AKAP7: variants seen among roughly 807,000 people sequenced by gnomAD.
AKAP7 encodes A-kinase anchoring protein 7.
A neutral mutation model predicts 39.5 loss-of-function variants in AKAP7; 39 were observed. That is an observed-to-expected ratio of 0.99 (90% CI 0.76 to 1.29). AKAP7 has a LOEUF of 1.29. AKAP7 is among the 50% of genes most tolerant of loss of function. The pLI is 0.00. For missense variants in AKAP7, 414 were observed against 407.7 expected, an observed-to-expected ratio of 1.02 and a Z score of -0.13; for synonymous variants, 140 against 139.1, an observed-to-expected ratio of 1.01 and a Z score of -0.05.
chr6:131,223,863 T>C (rs886351652), intron 7 of AKAP7, among the ~76,000 whole-genome samples: 1 of 152,206 alleles, frequency 6.6e-6, no homozygotes, highest in African/African-American at 2.4e-5. Flanking sequence ...CTATTCAGCC[T>C]ACCACCCCCC....
intron 7 of AKAP7, among the ~76,000 whole-genome samples, chr6:131,244,937 A>G (rs1238643142): frequency 1.3e-5 from 2 of 152,250 alleles, no homozygotes; most frequent in Non-Finnish European, 2.9e-5. Context: ...AGAGAAAAAC[A>G]AAAGCACTGT....
chr6:131,159,078 G>GTTTAT (rs1199223046), intron 2 of AKAP7, among the ~76,000 whole-genome samples: 1 of 139,648 alleles, frequency 7.2e-6, no homozygotes, highest in African/African-American at 2.7e-5. Flanking sequence ...TTAAGGATCA[G>GTTTAT]TTTATTTTAT....
At chr6:131,241,454 A>G (rs1416245549) in intron 7 of AKAP7, among the ~76,000 whole-genome samples, 3 of 152,090 alleles carry the variant, frequency 2.0e-5, no homozygotes, top group African/African-American at 7.2e-5. Flanking sequence ...GTGGTACAGG[A>G]TAAAAGAGAA....
In AKAP7 at chr6:131,185,307, G is replaced by T. The variant is rs1314825801; in HGVS notation, c.590-14154G>T. 12 of 485,868 alleles carry T rather than the reference G, an allele frequency of 2.5e-5. No individual in the cohort carries two copies. The Admixed American group carries it at 3.1e-4, about 12-fold the overall frequency. The allele number at this position is 485,868 out of a possible 1,614,324, so 30.1% of individuals were successfully genotyped here. A position where few individuals can be genotyped will look rare whatever the true frequency, so the allele number is the denominator to read the frequency against. On this transcript the variant is annotated intron_variant, in intron 5 of 7. Transcript: ENST00000431975. ...GTCCAGAGGCCAATCCTAGAACCTG[G>T]TTACTTCTTCATCCAGCTGTAATAA...
chr6:131,261,833 A>AAAT (rs1355928596), intron 7 of AKAP7, among the ~76,000 whole-genome samples: 1 of 152,190 alleles, frequency 6.6e-6, no homozygotes, highest in African/African-American at 2.4e-5. Flanking sequence ...CTAACCAAGA[A>AAAT]AATAGAAACT....
chr6:131,143,867 T>G (rs1352431745), intron 1 of AKAP7, among the ~76,000 whole-genome samples: 2 of 143,930 alleles, frequency 1.4e-5, no homozygotes, highest in African/African-American at 2.6e-5. Flanking sequence ...GATAAACAAG[T>G]GAACAAAGGT....
intron 2 of AKAP7, among the ~76,000 whole-genome samples, chr6:131,156,295 A>G (rs1044318659): frequency 6.6e-6 from 1 of 152,126 alleles, no homozygotes; most frequent in Non-Finnish European, 1.5e-5. Context: ...CCTTAAAAAA[A>G]GGGGGTCTTG....
chr6:131,273,270 A>G (rs1312991696), intron 7 of AKAP7, among the ~76,000 whole-genome samples: 1 of 152,158 alleles, frequency 6.6e-6, no homozygotes, highest in African/African-American at 2.4e-5. Flanking sequence ...TTTTTAATCC[A>G]AATCAACATC....
At chr6:131,164,501 G>T in intron 3 of AKAP7, 1 of 452,414 alleles carries the variant, frequency 2.2e-6, no homozygotes, top group South Asian at 1.6e-5. Context: ...GGACTTCTTT[G>T]CAACTCTTCA....
At chr6:131,277,588 A>C (rs1332012051) in intron 7 of AKAP7, among the ~76,000 whole-genome samples, 4 of 152,238 alleles carry the variant, frequency 2.6e-5, no homozygotes, top group African/African-American at 9.6e-5. Context: ...CAGAAGAAAA[A>C]TACAGCATAA....
At chr6:131,140,266 AT>A (rs11350684) in intron 1 of AKAP7, among the ~76,000 whole-genome samples, 54,074 of 149,276 alleles carry the variant, frequency 0.36, 10,016 homozygotes, top group Non-Finnish European at 0.41. Flanking sequence ...CGTTCTAGTG[AT>A]TTTTTTTTTT....
At chr6:131,256,791 C>T (rs776070663) in intron 7 of AKAP7, among the ~76,000 whole-genome samples, 6 of 150,100 alleles carry the variant, frequency 4.0e-5, no homozygotes, top group East Asian at 2.3e-4. Context: ...CCTCCCACCT[C>T]GGCCTCCCAG....
intron 7 of AKAP7, among the ~76,000 whole-genome samples, chr6:131,255,909 TA>T (rs567386463): frequency 1.1e-3 from 162 of 152,350 alleles, no homozygotes; most frequent in African/African-American, 3.8e-3. Flanking sequence ...CTCCTCCTCT[TA>T]ATTTATTTAA....
At chr6:131,275,011 A>C (rs1005731555) in intron 7 of AKAP7, among the ~76,000 whole-genome samples, 1 of 152,174 alleles carries the variant, frequency 6.6e-6, no homozygotes, top group Non-Finnish European at 1.5e-5. Flanking sequence ...TTGTTTTGCA[A>C]TCATCATTGC....
In AKAP7 at chr6:131,252,792, C is replaced by T. The variant is rs544763504; in HGVS notation, c.851-28738C>T. Among the ~76,000 whole-genome samples the T allele has an allele frequency of 2.0e-5, 3 of 152,196 alleles. No homozygotes were observed. In the South Asian group the frequency reaches 6.2e-4, roughly 32 times the overall value. ...TTCTGATCTTGCTGCTCGATTGTACCGTAACCTCCTGGGTCTTATTTATCT... is the reference window on the plus strand; with the variant it reads ...TTCTGATCTTGCTGCTCGATTGTACTGTAACCTCCTGGGTCTTATTTATCT... On this transcript the variant is annotated intron_variant, in intron 7 of 7. Transcript: ENST00000431975.
At chr6:131,145,062 G>A (rs1314703111) in intron 1 of AKAP7, among the ~76,000 whole-genome samples, 1 of 152,146 alleles carries the variant, frequency 6.6e-6, no homozygotes, top group Non-Finnish European at 1.5e-5. Context: ...ATTGAATACT[G>A]TGTTTTAGAA....
chr6:131,191,119 C>T (rs183175711), intron 5 of AKAP7, among the ~76,000 whole-genome samples: 3 of 152,196 alleles, frequency 2.0e-5, no homozygotes, highest in East Asian at 1.9e-4. Context: ...TGCAAATATT[C>T]GAAGACTTGG....
chr6:131,250,741 T>C lies in AKAP7; in HGVS notation c.851-30789T>C, dbSNP rs185593596. Reference sequence around the variant, plus strand: ...CAGACTAATCAGCTATGGTTTTTAATGTGTGTTTCTTAAAGGGACTGGTAG... The same window carrying C: ...CAGACTAATCAGCTATGGTTTTTAACGTGTGTTTCTTAAAGGGACTGGTAG... On this transcript the variant is annotated intron_variant, in intron 7 of 7. Transcript: ENST00000431975. 92 of 948,898 alleles carry C rather than the reference T, an allele frequency of 9.7e-5. No individual in the cohort carries two copies. In the Admixed American group the frequency reaches 1.9e-3, roughly 20 times the overall value. The allele number at this position is 948,898 out of a possible 1,614,324, so 58.8% of individuals were successfully genotyped here.
intron 7 of AKAP7, among the ~76,000 whole-genome samples, chr6:131,244,845 AT>A (rs1439489011): frequency 6.6e-6 from 1 of 151,994 alleles, no homozygotes; most frequent in Non-Finnish European, 1.5e-5. Context: ...AGAAAAAAAA[AT>A]TCTCTTTCCA....
Sources: allele counts gnomAD v4.1 joint callset (sites outside exome capture counted in the v4.1 genomes callset), GRCh38; gene constraint gnomAD v4.1.1; transcripts MANE v1.5; gene names NCBI Gene and HGNC (gene_info 2026-07-23, HGNC 2026-07-21).